Variants in DPH6 observed in about 807,000 individuals in gnomAD.
DPH6 encodes the protein diphthamine biosynthesis 6.
A neutral mutation model predicts 38.2 loss-of-function variants in DPH6; 33 were observed. The observed-to-expected ratio is 0.86, with a 90% CI of 0.65 to 1.15. The LOEUF (loss-of-function observed/expected upper bound fraction) is 1.15. Among genes scored for constraint, DPH6 ranks in the 50% most tolerant of loss-of-function variants. The pLI is 0.00. For missense variants in DPH6, 325 were observed against 320.0 expected, an observed-to-expected ratio of 1.02 and a Z score of -0.12; for synonymous variants, 108 against 103.0, an observed-to-expected ratio of 1.05 and a Z score of -0.30.
intron 3 of DPH6, among the ~76,000 whole-genome samples, chr15:35,479,659 T>C (rs1472002592): frequency 6.6e-6 from 1 of 152,076 alleles, no homozygotes; most frequent in Non-Finnish European, 1.5e-5. Flanking sequence ...CCTCTTGCGA[T>C]CCCCAGGGCT....
At chr15:35,295,397 C>A (rs1595465060) in intron 3 of DPH6, among the ~76,000 whole-genome samples, 1 of 152,190 alleles carries the variant, frequency 6.6e-6, no homozygotes, top group Non-Finnish European at 1.5e-5. Flanking sequence ...TTCCTGAGTA[C>A]TTCAAAATGA....
chr15:35,299,417 T>A (rs373409637), intron 3 of DPH6: 1 of 789,178 alleles, frequency 1.3e-6, no homozygotes, highest in Non-Finnish European at 2.3e-6. Flanking sequence ...GAGTCACTGG[T>A]TTCCTCTGAT....
chr15:35,458,759 T>C (rs933372391), intron 3 of DPH6, among the ~76,000 whole-genome samples: 2 of 152,234 alleles, frequency 1.3e-5, no homozygotes, highest in Non-Finnish European at 2.9e-5. Flanking sequence ...ACCCTATCCC[T>C]ACAAATTTTT....
In DPH6 at chr15:35,495,294, C is replaced by A. The variant is rs528122339; in HGVS notation, c.313-40474G>T. Among the ~76,000 whole-genome samples, 14 of 152,126 alleles carry A rather than the reference C, an allele frequency of 9.2e-5. No homozygotes were observed. In the South Asian group the frequency reaches 2.9e-3, roughly 32 times the overall value. The stretch of plus-strand genomic sequence containing the variant: ...AGGAGATTATAACACAGACATTGTT[C>A]GCAGATACAAAGGAACACTGTTTAA... On this transcript the variant is annotated intron_variant, in intron 3 of 8. Transcript: ENST00000256538.
Position 35,543,259 on chromosome 15 carries a change from A to AATATATAT in DPH6, c.24-760_24-753dup, listed in dbSNP as rs6145522. 8.0e-3 allele frequency among the ~76,000 whole-genome samples: 910 copies of AATATATAT among 113,784 alleles called. 13 individuals are homozygous for AATATATAT. Among genetic ancestry groups the AATATATAT allele is most frequent in the Non-Finnish European group, 0.011 (634 of 58,916 alleles). 74.6% of individuals were successfully genotyped at this position (113,784 alleles called of 152,430 possible). On this transcript the variant is annotated intron_variant, in intron 1 of 8. Coordinates refer to ENST00000256538, the MANE Select transcript of DPH6 (RefSeq NM_080650.4). ...ATACATATAGTACACACATACACAT[A>AATATATAT]ATATATATATATATATATATATATA...
rs188154891 is a variant in DPH6, at chr15:35,249,886, G to A, written n.201-29304C>T. Among the ~76,000 whole-genome samples the A allele has an allele frequency of 1.1e-3, 171 of 152,138 alleles. 1 individual carries two copies. The highest frequency in any genetic ancestry group is 3.9e-3 in the African/African-American group (160 of 41,498). The stretch of plus-strand genomic sequence containing the variant: ...TGATAAAATTATATAAAATACGGCC[G>A]GGCGCGGTGGCTCACGCCTGTAATC... On this transcript the variant is annotated intron_variant and non_coding_transcript_variant, in intron 3 of 3. Coordinates refer to the DPH6 transcript ENST00000560386.
chr15:35,358,752 A>G (rs752168610), intron 3 of DPH6, among the ~76,000 whole-genome samples: 14 of 152,182 alleles, frequency 9.2e-5, no homozygotes, highest in Non-Finnish European at 1.8e-4. Flanking sequence ...TGGATCTCTC[A>G]GCCAGAGATA....
intron 3 of DPH6, among the ~76,000 whole-genome samples, chr15:35,480,886 G>A (rs997269390): frequency 6.6e-6 from 1 of 151,830 alleles, no homozygotes; most frequent in Non-Finnish European, 1.5e-5. Flanking sequence ...TGATAGAATT[G>A]TAATATCACC....
chr15:35,427,895 C>T (rs953588791), intron 5 of DPH6, among the ~76,000 whole-genome samples: 1 of 151,698 alleles, frequency 6.6e-6, no homozygotes, highest in African/African-American at 2.4e-5. Context: ...ATGGGGTTAC[C>T]TCTTCCAGAA....
At chr15:35,422,231 G>C (rs576400200) in intron 5 of DPH6, among the ~76,000 whole-genome samples, 2 of 151,956 alleles carry the variant, frequency 1.3e-5, no homozygotes, top group South Asian at 4.2e-4. Flanking sequence ...AATCATCAGA[G>C]AAGAGTTATC....
intron 3 of DPH6, among the ~76,000 whole-genome samples, chr15:35,503,125 T>G (rs1414243429): frequency 6.6e-6 from 1 of 151,744 alleles, no homozygotes; most frequent in Non-Finnish European, 1.5e-5. Context: ...GGTTAGTTCT[T>G]ATAGAAATTT....
At chr15:35,237,264 C>T (rs2051559604) in intron 3 of DPH6, 7 of 1,450,786 alleles carry the variant, frequency 4.8e-6, no homozygotes, top group South Asian at 3.4e-5. Context: ...AGTGCTAAAA[C>T]GCGCGGCCGT....
At chr15:35,183,987 C>T in the DPH6 span, among the ~76,000 whole-genome samples, 1 of 152,288 alleles carries the variant, frequency 6.6e-6, no homozygotes, top group East Asian at 1.9e-4. Flanking sequence ...AGATGATCAT[C>T]AGTATGAATT....
the DPH6 span, among the ~76,000 whole-genome samples, chr15:35,156,291 A>G: frequency 6.6e-6 from 1 of 152,222 alleles, no homozygotes; most frequent in Non-Finnish European, 1.5e-5. Flanking sequence ...GCTATTTTTA[A>G]GAAGATAATA....
chr15:35,272,636 T>C (rs1173267087), intron 3 of DPH6, among the ~76,000 whole-genome samples: 1 of 151,980 alleles, frequency 6.6e-6, no homozygotes, highest in Non-Finnish European at 1.5e-5. Context: ...GGGCCAGGCA[T>C]GGTGGCTCAC....
chr15:35,357,413 C>T (rs1341680118), intron 3 of DPH6, among the ~76,000 whole-genome samples: 7 of 152,218 alleles, frequency 4.6e-5, no homozygotes, highest in Admixed American at 2.6e-4. Context: ...CCTATTTGGC[C>T]ATCTTGGCTC....
At chr15:35,369,063 T>C (rs895642384), downstream of DPH6, among the ~76,000 whole-genome samples, 3 of 151,640 alleles carry the variant, frequency 2.0e-5, no homozygotes, top group African/African-American at 4.8e-5. Flanking sequence ...CTGAAGAAGA[T>C]AGGAGAAATC....
intron 6 of DPH6, among the ~76,000 whole-genome samples, chr15:35,406,296 G>A (rs1188785442): frequency 6.6e-6 from 1 of 151,968 alleles, no homozygotes; most frequent in Non-Finnish European, 1.5e-5. Context: ...TGAAGCATAG[G>A]GAGTATTCCA....
chr15:35,282,642 A>G, intron 3 of DPH6: 2 of 419,308 alleles, frequency 4.8e-6, no homozygotes, highest in Non-Finnish European at 9.9e-6. Flanking sequence ...AGCTTCATTC[A>G]GCATTACTAC....
Sources: gnomAD v4.1 joint callset for allele counts (sites outside exome capture counted in the v4.1 genomes callset) on GRCh38, gnomAD v4.1.1 for gene constraint, MANE v1.5 for transcripts, NCBI Gene and HGNC (gene_info 2026-07-23, HGNC 2026-07-21) for gene names.